FRMD4A: variants seen among roughly 807,000 people sequenced by gnomAD.
FRMD4A encodes the protein FERM domain containing 4A, also known as FERM domain-containing protein 4A.
A neutral mutation model predicts 129.1 loss-of-function variants in FRMD4A; 29 were observed. That is an observed-to-expected ratio of 0.22 (90% CI 0.17 to 0.31). The LOEUF is 0.31. FRMD4A is among the 10% of genes least tolerant of loss of function. The probability of loss-of-function intolerance (pLI) is 1.00; values close to 1 mark genes in which losing one functional copy is unlikely to be tolerated. For missense variants in FRMD4A, 1,272 were observed against 1,375.8 expected (o/e 0.92, Z 1.19); for synonymous variants, 634 against 571.6 (o/e 1.11, Z -1.56).
intron 2 of FRMD4A, among the ~76,000 whole-genome samples, chr10:14,045,812 G>T (rs1358084446): frequency 6.9e-6 from 1 of 144,676 alleles, no homozygotes; most frequent in Non-Finnish European, 1.5e-5. Context: ...ATATAGAATA[G>T]ATATGTATTA....
chr10:13,800,203 A>G (rs12416149), intron 4 of FRMD4A, among the ~76,000 whole-genome samples: 1,896 of 152,238 alleles, frequency 0.012, 98 homozygotes, highest in East Asian at 0.12. Context: ...CAAACAAACA[A>G]AAAACATGAC....
intron 24 of FRMD4A, chr10:13,647,760 G>A (rs925141257): frequency 1.4e-5 from 2 of 147,020 alleles, no homozygotes; most frequent in African/African-American, 2.5e-5. Context: ...AGTATTTTAG[G>A]GAGGTATCAC....
intron 2 of FRMD4A, among the ~76,000 whole-genome samples, chr10:14,018,378 C>A (rs866945523): frequency 8.9e-5 from 13 of 146,504 alleles, no homozygotes; most frequent in South Asian, 2.2e-4. Flanking sequence ...ATGGTGTGAA[C>A]CCGGGAGGCA....
chr10:13,670,600 CACACGCACAT>C (rs903516996), intron 16 of FRMD4A, 72 bp from the exon 17 acceptor site: 7 of 1,525,746 alleles, frequency 4.6e-6, no homozygotes, highest in Admixed American at 1.7e-5. Context: ...AGAACACACA[CACACGCACAT>C]ACACGCACAC....
rs536136700 is a variant in FRMD4A, at chr10:14,098,505, G to A, written c.45+231553C>T. ...TGCAAGCTCCGCTTCCCGGGTTCACGCCATTCTCCTGCCTCAGCCTCCCGA... is the reference window on the plus strand; with the variant it reads ...TGCAAGCTCCGCTTCCCGGGTTCACACCATTCTCCTGCCTCAGCCTCCCGA... On this transcript the variant is annotated intron_variant, in intron 2 of 24. Coordinates refer to ENST00000357447, the MANE Select transcript of FRMD4A (RefSeq NM_018027.5). Among the ~76,000 whole-genome samples, 958 of 151,922 alleles carry A rather than the reference G, an allele frequency of 6.3e-3. 2 individuals are homozygous for A. The highest frequency in any genetic ancestry group is 0.02 in the Middle Eastern group (6 of 294).
At chr10:13,680,699 C>T (rs1026469289) in intron 15 of FRMD4A, among the ~76,000 whole-genome samples, 4 of 151,364 alleles carry the variant, frequency 2.6e-5, no homozygotes, top group Non-Finnish European at 4.4e-5. Context: ...GCACTCCAGC[C>T]GGGGTGACAG....
At position 13,645,363 on chromosome 10, in the gene FRMD4A, A is replaced by AC. The variant is rs78852866; in HGVS notation, c.*1674dup. 0.99 allele frequency: 143,566 copies of AC among 144,518 alleles called. 71,308 individuals carry two copies. Among genetic ancestry groups the AC allele is most frequent in the East Asian group, 1 (4,701 of 4,712 alleles). 9.0% of individuals were successfully genotyped at this position (144,518 alleles called of 1,614,324 possible). On this transcript the variant is annotated 3_prime_UTR_variant, in exon 25 of 25. Transcript: ENST00000357447. ...AGAGTGAGAAAAAAATTCCACCCCC[A>AC]CCCCATCCCCCCACCACTTGCGCCA...
intron 2 of FRMD4A, among the ~76,000 whole-genome samples, chr10:13,925,400 G>A (rs1406465): frequency 0.18 from 27,940 of 151,676 alleles, 2,658 homozygotes; most frequent in East Asian, 0.27. Flanking sequence ...GAATGTGATC[G>A]CTTTATCTTC....
At chr10:13,717,461 A>G (rs11258550) in intron 12 of FRMD4A, among the ~76,000 whole-genome samples, 1,746 of 152,070 alleles carry the variant, frequency 0.011, 70 homozygotes, top group South Asian at 0.11. Context: ...TTACAGATAT[A>G]TGCCACCATG....
chr10:13,765,109 T>G (rs554854301), intron 6 of FRMD4A, among the ~76,000 whole-genome samples: 79 of 143,366 alleles, frequency 5.5e-4, no homozygotes, highest in Middle Eastern at 7.1e-3. Context: ...TGATTTTTTT[T>G]TTTTGTTTTT....
intron 2 of FRMD4A, among the ~76,000 whole-genome samples, chr10:14,026,289 G>A (rs1054040804): frequency 4.6e-5 from 7 of 152,180 alleles, no homozygotes; most frequent in Non-Finnish European, 1.0e-4. Flanking sequence ...AGAGGAGATA[G>A]ACACAGACTT....
intron 2 of FRMD4A, among the ~76,000 whole-genome samples, chr10:13,973,741 A>C (rs2095529897): frequency 6.6e-6 from 1 of 150,984 alleles, no homozygotes; most frequent in Non-Finnish European, 1.5e-5. Context: ...GAAGAAAGGA[A>C]GGAAGGGAAG....
intron 2 of FRMD4A, among the ~76,000 whole-genome samples, chr10:14,123,800 A>G (rs1421325380): frequency 6.6e-6 from 1 of 152,184 alleles, no homozygotes; most frequent in Non-Finnish European, 1.5e-5. Context: ...TTTACATAGC[A>G]TGTTATTTGT....
At chr10:14,110,253 G>C (rs578114329) in intron 2 of FRMD4A, among the ~76,000 whole-genome samples, 6 of 142,254 alleles carry the variant, frequency 4.2e-5, no homozygotes, top group Non-Finnish European at 9.0e-5. Context: ...GTCCAATATA[G>C]AAGAAGGATT....
At chr10:13,980,214 G>A (rs565859877) in intron 2 of FRMD4A, among the ~76,000 whole-genome samples, 29 of 152,266 alleles carry the variant, frequency 1.9e-4, no homozygotes, top group African/African-American at 5.8e-4. Flanking sequence ...GTATCTGGCC[G>A]TTCGAAGAGC....
chr10:14,137,826 TC>T (rs1255807696), intron 2 of FRMD4A, among the ~76,000 whole-genome samples: 1 of 152,214 alleles, frequency 6.6e-6, no homozygotes, highest in Non-Finnish European at 1.5e-5. Flanking sequence ...GCATTTTTTT[TC>T]CTTGCCTCTC....
At chr10:14,082,646 G>C (rs1024272961) in intron 2 of FRMD4A, among the ~76,000 whole-genome samples, 3 of 152,160 alleles carry the variant, frequency 2.0e-5, no homozygotes, top group Admixed American at 2.0e-4. Flanking sequence ...CTGAAACTCA[G>C]GTGCATTTCA....
At chr10:14,198,977 C>T (rs1342136686) in intron 2 of FRMD4A, among the ~76,000 whole-genome samples, 1 of 152,174 alleles carries the variant, frequency 6.6e-6, no homozygotes, top group Non-Finnish European at 1.5e-5. Context: ...ATGCTTAGTA[C>T]ATGATAATTA....
chr10:13,833,229 T>C (rs11258662), intron 3 of FRMD4A, among the ~76,000 whole-genome samples: 7,001 of 152,212 alleles, frequency 0.046, 261 homozygotes, highest in East Asian at 0.13. Flanking sequence ...CACAGTTCCA[T>C]ATGGCTGGGG....
Sources: gnomAD v4.1 joint callset for allele counts (sites outside exome capture counted in the v4.1 genomes callset) on GRCh38, gnomAD v4.1.1 for gene constraint, MANE v1.5 for transcripts, NCBI Gene and HGNC (gene_info 2026-07-23, HGNC 2026-07-21) for gene names.